The following CNBD1 variants were observed in gnomAD, a reference collection of about 807,000 sequenced individuals.
CNBD1 encodes cyclic nucleotide binding domain containing 1, also known as cyclic nucleotide-binding domain-containing protein 1.
In CNBD1, 71 loss-of-function variants were observed where a neutral mutation model predicts 54.4. The ratio of observed to expected loss-of-function variants is 1.30; its 90% CI spans 1.08 to 1.59. The LOEUF is 1.59. Ranked by LOEUF, CNBD1 falls within the 40% of genes most tolerant of loss-of-function variation. The probability of loss-of-function intolerance (pLI) is 0.00; values close to 1 mark genes in which losing one functional copy is unlikely to be tolerated. For synonymous variants in CNBD1, 182 were observed against 170.7 expected, an observed-to-expected ratio of 1.07 and a Z score of -0.51; for missense variants, 659 against 518.0, an observed-to-expected ratio of 1.27 and a Z score of -2.64.
chr8:87,012,933 A>G (rs890640146), intron 4 of CNBD1, among the ~76,000 whole-genome samples: 4 of 152,236 alleles, frequency 2.6e-5, no homozygotes, highest in Non-Finnish European at 5.9e-5. Flanking sequence ...ACATGTTCTC[A>G]GGACCTCCTG....
At chr8:87,370,057 T>G (rs1006793865) in intron 10 of CNBD1, among the ~76,000 whole-genome samples, 1 of 152,004 alleles carries the variant, frequency 6.6e-6, no homozygotes, top group Non-Finnish European at 1.5e-5. Flanking sequence ...GGACATGAAC[T>G]CATCATTTTT....
chr8:87,074,197 T>G (rs1489001067), intron 4 of CNBD1, among the ~76,000 whole-genome samples: 1 of 151,914 alleles, frequency 6.6e-6, no homozygotes, highest in Non-Finnish European at 1.5e-5. Context: ...GTTGTTACAT[T>G]TGGACTCTCC....
intron 6 of CNBD1, among the ~76,000 whole-genome samples, chr8:87,253,265 T>C (rs1807945896): frequency 6.6e-6 from 1 of 152,056 alleles, no homozygotes; most frequent in Admixed American, 6.6e-5. Context: ...TCTTCTGCCT[T>C]CTGGCTTGCA....
intron 2 of CNBD1, among the ~76,000 whole-genome samples, chr8:87,392,404 C>T (rs111977151): frequency 0.019 from 2,871 of 151,928 alleles, 92 homozygotes; most frequent in African/African-American, 0.063. Context: ...TCAGAAACAA[C>T]TAAAAAGTTC....
intron 6 of CNBD1, among the ~76,000 whole-genome samples, chr8:87,265,183 T>C (rs996924342): frequency 2.6e-5 from 4 of 152,106 alleles, no homozygotes; most frequent in East Asian, 1.9e-4. Context: ...TTGTATAAGG[T>C]GTAAGGAAGG....
At chr8:87,228,001 T>C (rs1373048866) in intron 5 of CNBD1, among the ~76,000 whole-genome samples, 1 of 151,616 alleles carries the variant, frequency 6.6e-6, no homozygotes, top group Non-Finnish European at 1.5e-5. Context: ...TCATTTTCCA[T>C]CACTGATACC....
chr8:87,233,816 C>T (rs1268504626), intron 5 of CNBD1, among the ~76,000 whole-genome samples: 1 of 145,028 alleles, frequency 6.9e-6, no homozygotes, highest in African/African-American at 2.8e-5. Context: ...TTTTCTGCAT[C>T]AATTGACTCT....
At chr8:87,190,629 A>G (rs1185364122) in intron 4 of CNBD1, among the ~76,000 whole-genome samples, 1 of 152,154 alleles carries the variant, frequency 6.6e-6, no homozygotes, top group Non-Finnish European at 1.5e-5. Flanking sequence ...CCCTGAAGGT[A>G]ATGACGCTTA....
At chr8:87,083,551 C>G (rs547284782) in intron 4 of CNBD1, among the ~76,000 whole-genome samples, 169 of 151,884 alleles carry the variant, frequency 1.1e-3, no homozygotes, top group African/African-American at 4.0e-3. Flanking sequence ...CCCTCTTCCC[C>G]TGCTTTTGAC....
At chr8:86,942,699 C>T (rs1320625454) in intron 4 of CNBD1, among the ~76,000 whole-genome samples, 1 of 152,128 alleles carries the variant, frequency 6.6e-6, no homozygotes, top group African/African-American at 2.4e-5. Flanking sequence ...CCTATATATC[C>T]CATCGGGTTT....
At chr8:87,258,414 C>A (rs59714019) in intron 6 of CNBD1, among the ~76,000 whole-genome samples, 42,185 of 150,852 alleles carry the variant, frequency 0.28, 6,280 homozygotes, top group African/African-American at 0.39. Context: ...AAAAATTTTT[C>A]TTTTTTTTAT....
At chr8:87,154,544 C>A (rs1812674432) in intron 4 of CNBD1, among the ~76,000 whole-genome samples, 1 of 152,198 alleles carries the variant, frequency 6.6e-6, no homozygotes, top group Non-Finnish European at 1.5e-5. Flanking sequence ...GATCTGGAGA[C>A]ACTCTGTGTA....
intron 10 of CNBD1, among the ~76,000 whole-genome samples, chr8:87,371,548 A>C (rs984976161): frequency 2.0e-5 from 3 of 152,004 alleles, no homozygotes; most frequent in Non-Finnish European, 2.9e-5. Flanking sequence ...AGAGAATTTT[A>C]GACCAATATC....
At chr8:87,331,912 G>A (rs897988525) in intron 8 of CNBD1, among the ~76,000 whole-genome samples, 2 of 151,890 alleles carry the variant, frequency 1.3e-5, no homozygotes, top group Non-Finnish European at 2.9e-5. Flanking sequence ...ATGGGGTTTT[G>A]TTTTTTTCTT....
intron 4 of CNBD1, among the ~76,000 whole-genome samples, chr8:87,057,558 C>T (rs148866767): frequency 6.6e-6 from 1 of 152,308 alleles, no homozygotes; most frequent in African/African-American, 2.4e-5. Context: ...CATTTCAAAA[C>T]ACAATCATGG....
At chr8:86,942,029 C>T (rs1231130131) in intron 4 of CNBD1, among the ~76,000 whole-genome samples, 1 of 152,190 alleles carries the variant, frequency 6.6e-6, no homozygotes, top group Non-Finnish European at 1.5e-5. Flanking sequence ...TGGGCTGTGA[C>T]AGCCACCAAA....
At chr8:86,939,088 A>G (rs1809603267) in intron 3 of CNBD1, among the ~76,000 whole-genome samples, 1 of 152,198 alleles carries the variant, frequency 6.6e-6, no homozygotes, top group Non-Finnish European at 1.5e-5. Flanking sequence ...ATGGTCATTT[A>G]TTTGTACATC....
At chr8:87,191,663 T>G (rs555187628) in intron 4 of CNBD1, among the ~76,000 whole-genome samples, 1 of 152,280 alleles carries the variant, frequency 6.6e-6, no homozygotes, top group South Asian at 2.1e-4. Context: ...TTGAGTCTAG[T>G]GGGATATAAA....
chr8:87,271,645 A>G (rs977175255), intron 6 of CNBD1, among the ~76,000 whole-genome samples: 4 of 152,024 alleles, frequency 2.6e-5, no homozygotes, highest in Admixed American at 2.6e-4. Context: ...AAACCCTTGT[A>G]CACTGTTGAT....
Sources: gnomAD v4.1 joint callset for allele counts (sites outside exome capture counted in the v4.1 genomes callset) on GRCh38, gnomAD v4.1.1 for gene constraint, MANE v1.5 for transcripts, NCBI Gene and HGNC (gene_info 2026-07-23, HGNC 2026-07-21) for gene names.